The following SUPT6H variants were observed in gnomAD, a reference collection of about 807,000 sequenced individuals.
SUPT6H encodes transcription elongation factor SPT6.
In SUPT6H, 11 loss-of-function variants were observed where a neutral mutation model predicts 222.3. That is an observed-to-expected ratio of 0.05 (90% confidence interval 0.03 to 0.08). The LOEUF is 0.08. SUPT6H is among the 10% of genes least tolerant of loss of function. SUPT6H has a pLI of 1.00. For missense variants in SUPT6H, 1,422 were observed against 2,216.0 expected (o/e 0.64, Z 7.19); for synonymous variants, 762 against 801.2 (o/e 0.95, Z 0.83).
intron 11 of SUPT6H, among the ~76,000 whole-genome samples, chr17:28,679,616 G>A (rs1283904205): frequency 6.6e-6 from 1 of 151,720 alleles, no homozygotes; most frequent in Non-Finnish European, 1.5e-5. Context: ...TCCTGACCTC[G>A]TGATCTGCCC....
chr17:28,676,694 G>A (rs2030766240), intron 7 of SUPT6H, among the ~76,000 whole-genome samples: 1 of 152,136 alleles, frequency 6.6e-6, no homozygotes, highest in Admixed American at 6.5e-5. Flanking sequence ...TAGGAGGCCA[G>A]GGTGGCAGAT....
intron 1 of SUPT6H, among the ~76,000 whole-genome samples, chr17:28,664,819 CAAA>C: frequency 6.6e-6 from 1 of 152,314 alleles, no homozygotes; most frequent in East Asian, 1.9e-4. Context: ...GCAGGGTTAC[CAAA>C]GATAGACCTC....
chr17:28,694,551 G>A (rs2031811112), intron 28 of SUPT6H, among the ~76,000 whole-genome samples: 1 of 152,166 alleles, frequency 6.6e-6, no homozygotes, highest in South Asian at 2.1e-4. Context: ...GACTTAGGAG[G>A]GCTGGGGAAA....
intron 26 of SUPT6H, 123 bp downstream of exon 26, chr17:28,690,352 G>T: frequency 7.9e-7 from 1 of 1,258,314 alleles, no homozygotes; most frequent in Non-Finnish European, 1.1e-6. Flanking sequence ...GGCCAGGAGA[G>T]CATTTTAAAA....
intron 7 of SUPT6H, among the ~76,000 whole-genome samples, chr17:28,676,978 C>G (rs1472757305): frequency 6.6e-6 from 1 of 151,750 alleles, no homozygotes; most frequent in Admixed American, 6.6e-5. Flanking sequence ...CCTGTAATCC[C>G]AGCACTTTGG....
intron 32 of SUPT6H, among the ~76,000 whole-genome samples, chr17:28,698,237 T>G (rs1176417724): frequency 6.6e-6 from 1 of 152,178 alleles, no homozygotes; most frequent in Non-Finnish European, 1.5e-5. Flanking sequence ...AAGGGCGCTT[T>G]CCTTAACACC....
At position 28,697,706 on chromosome 17, in the gene SUPT6H, T is replaced by C. The variant is rs1458233415; in HGVS notation, c.4296T>C (p.Tyr1432=). 6.2e-7 allele frequency: 1 copy of C among 1,614,204 alleles called. No individual in the cohort carries two copies. Among genetic ancestry groups the C allele is most frequent in the Non-Finnish European group, 8.5e-7 (1 of 1,180,036 alleles). The change falls in exon 31 of 37, where the codon TAT becomes TAC. Residue 1432 remains tyrosine, a synonymous_variant. Coordinates refer to ENST00000314616, the MANE Select transcript of SUPT6H (RefSeq NM_003170.5). ...GGGACCTTCTGAATCACAAGTATTA[T>C]CAGGACTGCAGCGGTGGGGACCGCA... ...FARDLLNHKY[Y]QDCSGGDRKK... is the part of the protein sequence containing the mutation.
intron 3 of SUPT6H, 42 bp downstream of exon 3, chr17:28,674,483 G>GT (rs763816652): frequency 7.0e-5 from 113 of 1,614,034 alleles, no homozygotes; most frequent in Non-Finnish European, 9.2e-5. Flanking sequence ...TTGGGTGGAG[G>GT]TTGCAGTGGA....
At chr17:28,675,211 T>A in intron 5 of SUPT6H, 49 bp downstream of exon 5, 6 of 1,559,804 alleles carry the variant, frequency 3.8e-6, no homozygotes, top group Non-Finnish European at 5.2e-6. Flanking sequence ...GTATTGGGAT[T>A]TCCTGGCCCA....
chr17:28,688,302 G>T lies in SUPT6H; in HGVS notation c.3134+84G>T. 6.8e-7 allele frequency: 1 copy of T among 1,461,492 alleles called. No individual in the cohort carries two copies. Among genetic ancestry groups the T allele is most frequent in the Non-Finnish European group, 9.1e-7 (1 of 1,095,646 alleles). 90.5% of individuals were successfully genotyped at this position (1,461,492 alleles called of 1,614,324 possible). A position where few individuals can be genotyped will look rare whatever the true frequency, so the allele number is the denominator to read the frequency against. Reference sequence around the variant, plus strand: ...TTTCAGGGGTTAGGGCTATCAAAGGGCCACAAGCCATTTTAACTTAGGAAA... The same window carrying T: ...TTTCAGGGGTTAGGGCTATCAAAGGTCCACAAGCCATTTTAACTTAGGAAA... On this transcript the variant is annotated intron_variant, in intron 24 of 36. Transcript: ENST00000314616. This position sits in a 1 kb window ranked among gnomAD's most constrained non-coding sequence, Gnocchi z 4.3.
intron 28 of SUPT6H, among the ~76,000 whole-genome samples, chr17:28,694,067 C>T (rs1434594166): frequency 6.6e-6 from 1 of 152,242 alleles, no homozygotes; most frequent in Non-Finnish European, 1.5e-5. Context: ...GTTCCCAGTC[C>T]TTTGGGAGAG....
chr17:28,678,255 T>C, intron 9 of SUPT6H, 63 bp downstream of exon 9: 2 of 1,440,202 alleles, frequency 1.4e-6, no homozygotes, highest in Non-Finnish European at 1.9e-6. Context: ...AGGGAAAAGA[T>C]AATTACCTAA....
intron 6 of SUPT6H, among the ~76,000 whole-genome samples, 169 bp downstream of exon 6, chr17:28,675,654 G>A (rs2030700488): frequency 6.6e-6 from 1 of 152,222 alleles, no homozygotes; most frequent in African/African-American, 2.4e-5. Flanking sequence ...GCTCCCGGAA[G>A]CCCTGGGAGC....
Position 28,695,668 on chromosome 17 carries a change from G to A in SUPT6H, c.3970+121G>A, listed in dbSNP as rs543439110. ...AGTGGAAGTGGGGACTCAGCTTTGA[G>A]GTGCTAAGGCCTGGAGATGTCATGA... On this transcript the variant is annotated intron_variant, in intron 29 of 36. Transcript: ENST00000314616. 5.2e-6 allele frequency: 6 copies of A among 1,159,242 alleles called. No individual in the cohort carries two copies. The African/African-American group carries it at 7.7e-5, about 15-fold the overall frequency. 71.8% of individuals were successfully genotyped at this position (1,159,242 alleles called of 1,614,324 possible).
intron 26 of SUPT6H, 87 bp from the exon 27 acceptor site, chr17:28,690,834 C>T (rs2031606515): frequency 2.1e-6 from 3 of 1,449,468 alleles, no homozygotes; most frequent in Non-Finnish European, 2.8e-6. Flanking sequence ...GGAAGGAAGT[C>T]AGATATTCTG....
At chr17:28,694,450 A>G (rs1022687206) in intron 28 of SUPT6H, among the ~76,000 whole-genome samples, 6 of 152,200 alleles carry the variant, frequency 3.9e-5, no homozygotes, top group East Asian at 1.9e-4. Context: ...GAGAAATTCA[A>G]CTTTTTTCAG....
In SUPT6H at chr17:28,701,068, A is replaced by G. The variant is rs745370263; in HGVS notation, c.4934A>G (p.Gln1645Arg). The G allele has an allele frequency of 6.2e-7, 1 of 1,613,920 alleles. No individual in the cohort carries two copies. The highest frequency in any genetic ancestry group is 8.5e-7 in the Non-Finnish European group (1 of 1,179,976). Residue 1645 changes from glutamine to arginine, a missense_variant, in exon 36 of 37, where the codon CAG becomes CGG. Physicochemically the swap from Gln to Arg is conservative, Grantham distance 43 (BLOSUM62 1). Coordinates refer to ENST00000314616, the MANE Select transcript of SUPT6H (RefSeq NM_003170.5). The stretch of plus-strand genomic sequence containing the variant: ...CAGCTCCAGGCCAGCACCACCCCAC[A>G]GTCGGCCCAGGCCCAGCCCCAGCCC... ...YHQLQASTTP[Q>R]SAQAQPQPSS...
intron 12 of SUPT6H, 135 bp from the exon 13 acceptor site, chr17:28,681,747 A>G (rs1567693902): frequency 1.4e-6 from 1 of 718,050 alleles, no homozygotes; most frequent in Non-Finnish European, 2.2e-6. Flanking sequence ...AAGAAAACCC[A>G]GGAGACTTGA....
In SUPT6H at chr17:28,680,962, G is replaced by T. The variant is rs1256780663; in HGVS notation, c.1350-294G>T. 3.3e-5 allele frequency among the ~76,000 whole-genome samples: 5 copies of T among 152,168 alleles called. No individual in the cohort carries two copies. The East Asian group carries it at 9.6e-4, about 29-fold the overall frequency. ...GCACCAGCTATGTGTCTTTAAAAAAGAAAAAAAGAAATGGTCTTTCTTCTG... is the reference window on the plus strand; with the variant it reads ...GCACCAGCTATGTGTCTTTAAAAAATAAAAAAAGAAATGGTCTTTCTTCTG... On this transcript the variant is annotated intron_variant, in intron 11 of 36. Coordinates refer to ENST00000314616, the MANE Select transcript of SUPT6H (RefSeq NM_003170.5).
Sources: allele counts gnomAD v4.1 joint callset (sites outside exome capture counted in the v4.1 genomes callset), GRCh38; gene constraint gnomAD v4.1.1; non-coding constraint Gnocchi (gnomAD v3.1); transcripts MANE v1.5; gene names NCBI Gene and HGNC (gene_info 2026-07-23, HGNC 2026-07-21).